PLXNA4: variants seen among roughly 807,000 people sequenced by gnomAD.
PLXNA4 encodes the protein plexin-A4.
Under a neutral mutation model 191.8 loss-of-function variants are expected in PLXNA4, and 44 were observed. That is an observed-to-expected ratio of 0.23 (90% CI 0.18 to 0.29). PLXNA4 has a LOEUF of 0.29. Among genes scored for constraint, PLXNA4 ranks in the 10% least tolerant of loss-of-function variants. The pLI, the probability that PLXNA4 is intolerant of heterozygous loss-of-function variation, is 1.00. For missense variants in PLXNA4, 1,800 were observed against 2,488.8 expected, an observed-to-expected ratio of 0.72 and a Z score of 5.89; for synonymous variants, 1,082 against 1,009.5, an observed-to-expected ratio of 1.07 and a Z score of -1.36.
intron 3 of PLXNA4, among the ~76,000 whole-genome samples, chr7:132,349,849 C>G (rs1585022207): frequency 6.6e-6 from 1 of 152,082 alleles, no homozygotes; most frequent in African/African-American, 2.4e-5. Flanking sequence ...TGTCCCAACT[C>G]AACCCATCAT....
At chr7:132,405,663 A>G (rs1794190504) in intron 3 of PLXNA4, among the ~76,000 whole-genome samples, 1 of 152,204 alleles carries the variant, frequency 6.6e-6, no homozygotes, top group African/African-American at 2.4e-5. Flanking sequence ...ACAGCCCATC[A>G]CTTGCAGAGC....
chr7:132,561,327 T>TTC (rs1801034480), intron 1 of PLXNA4, among the ~76,000 whole-genome samples: 1 of 88,720 alleles, frequency 1.1e-5, no homozygotes, highest in Non-Finnish European at 2.4e-5. Context: ...TCTCCTCCTC[T>TTC]TCCTCCTCTT....
intron 1 of PLXNA4, among the ~76,000 whole-genome samples, chr7:132,512,825 C>A (rs1475096419): frequency 7.2e-5 from 11 of 152,148 alleles, no homozygotes; most frequent in Non-Finnish European, 1.6e-4. Flanking sequence ...CCTAGGAAAC[C>A]CCCACCCCAA....
intron 3 of PLXNA4, among the ~76,000 whole-genome samples, chr7:132,431,337 A>G (rs916579019): frequency 3.3e-5 from 5 of 151,860 alleles, no homozygotes; most frequent in Non-Finnish European, 5.9e-5. Context: ...CCCCCTCCCA[A>G]TCCTGGGTGG....
At chr7:132,619,342 C>T (rs1563196494) in intron 2 of PLXNA4, among the ~76,000 whole-genome samples, 1 of 152,026 alleles carries the variant, frequency 6.6e-6, no homozygotes. Context: ...GAAATACAAT[C>T]TCACGACCAT....
At chr7:132,456,903 C>G (rs1239510353) in intron 3 of PLXNA4, among the ~76,000 whole-genome samples, 3 of 152,186 alleles carry the variant, frequency 2.0e-5, no homozygotes, top group Non-Finnish European at 4.4e-5. Context: ...TCCATTTACA[C>G]TTTAATGGTT....
intron 2 of PLXNA4, among the ~76,000 whole-genome samples, chr7:132,629,310 A>G (rs1803446836): frequency 6.6e-6 from 1 of 152,202 alleles, no homozygotes; most frequent in Non-Finnish European, 1.5e-5. Context: ...CTCTTGTACG[A>G]CTTCTCCAGA....
intron 3 of PLXNA4, among the ~76,000 whole-genome samples, chr7:132,435,618 A>C (rs1239260724): frequency 1.3e-5 from 2 of 152,196 alleles, no homozygotes; most frequent in African/African-American, 4.8e-5. Context: ...ATACAGCCGG[A>C]CATCCGGGGG....
chr7:132,127,894 T>C lies in PLXNA4; in HGVS notation c.*2585A>G, dbSNP rs199962651. 4.6e-5 allele frequency: 2 copies of C among 43,104 alleles called. No homozygotes were observed. The highest frequency in any genetic ancestry group is 3.6e-4 in the Admixed American group (1 of 2,814). 2.7% of individuals were successfully genotyped at this position (43,104 alleles called of 1,614,324 possible). A position where few individuals can be genotyped will look rare whatever the true frequency, so the allele number is the denominator to read the frequency against. On this transcript the variant is annotated 3_prime_UTR_variant, in exon 32 of 32. Coordinates refer to ENST00000321063, the MANE Select transcript of PLXNA4 (RefSeq NM_020911.2). ...TGTACCGCCAAAGTAACAATAACAA[T>C]AATCATCATCCAGTAAAAAATAAAA...
At chr7:132,250,143 C>A (rs969933845) in intron 4 of PLXNA4, among the ~76,000 whole-genome samples, 1 of 152,300 alleles carries the variant, frequency 6.6e-6, no homozygotes, top group African/African-American at 2.4e-5. Context: ...TCTTTTTCCT[C>A]ATCTAAGTAC....
chr7:132,303,423 G>A (rs1485789230), intron 3 of PLXNA4, among the ~76,000 whole-genome samples: 1 of 151,758 alleles, frequency 6.6e-6, no homozygotes, highest in Admixed American at 6.6e-5. Flanking sequence ...ACAAAAATTA[G>A]CTGGGCGTGG....
intron 3 of PLXNA4, among the ~76,000 whole-genome samples, chr7:132,467,486 T>C (rs1052424470): frequency 6.6e-6 from 1 of 152,186 alleles, no homozygotes; most frequent in Non-Finnish European, 1.5e-5. Flanking sequence ...ACTGGTCTGC[T>C]CACCAATGGT....
intron 3 of PLXNA4, among the ~76,000 whole-genome samples, chr7:132,467,127 C>A (rs1796736170): frequency 6.6e-6 from 1 of 152,144 alleles, no homozygotes; most frequent in South Asian, 2.1e-4. Flanking sequence ...TCCACAGCCC[C>A]TGAGGCTGCC....
At chr7:132,353,960 G>T (rs1741860357) in intron 3 of PLXNA4, among the ~76,000 whole-genome samples, 1 of 152,140 alleles carries the variant, frequency 6.6e-6, no homozygotes, top group African/African-American at 2.4e-5. Flanking sequence ...TTTTCCTCAT[G>T]GAGCCTGAGC....
intron 3 of PLXNA4, among the ~76,000 whole-genome samples, chr7:132,319,541 G>T (rs140123346): frequency 6.6e-6 from 1 of 151,970 alleles, no homozygotes; most frequent in South Asian, 2.1e-4. Flanking sequence ...CTGTTCTCAG[G>T]GTTCCTTGTA....
At chr7:132,460,917 C>A (rs1315915325) in intron 3 of PLXNA4, among the ~76,000 whole-genome samples, 1 of 151,708 alleles carries the variant, frequency 6.6e-6, no homozygotes, top group East Asian at 1.9e-4. Flanking sequence ...AGCAAGCAAC[C>A]AAGCAAGCAG....
At chr7:132,295,015 G>T (rs1801024918) in intron 4 of PLXNA4, among the ~76,000 whole-genome samples, 1 of 152,212 alleles carries the variant, frequency 6.6e-6, no homozygotes, top group Admixed American at 6.5e-5. Flanking sequence ...GTGCTATTTT[G>T]TTATGGCAGC....
intron 3 of PLXNA4, among the ~76,000 whole-genome samples, chr7:132,328,822 A>G (rs1802477447): frequency 6.6e-6 from 1 of 152,174 alleles, no homozygotes; most frequent in Non-Finnish European, 1.5e-5. Flanking sequence ...CTCTACAAGC[A>G]TGATTTCCTG....
chr7:132,465,631 GTTTC>G, intron 3 of PLXNA4, among the ~76,000 whole-genome samples: 2 of 152,242 alleles, frequency 1.3e-5, no homozygotes, highest in East Asian at 3.9e-4. Context: ...GGAATTTTCT[GTTTC>G]TTGGAAAAAG....
Sources: allele counts gnomAD v4.1 joint callset (sites outside exome capture counted in the v4.1 genomes callset), GRCh38; gene constraint gnomAD v4.1.1; transcripts MANE v1.5; gene names NCBI Gene and HGNC (gene_info 2026-07-23, HGNC 2026-07-21).